Variants in CSMD1 observed in about 807,000 individuals in gnomAD.
The protein encoded by CSMD1 is CUB and sushi domain-containing protein 1.
In CSMD1, 213 loss-of-function variants were observed where a neutral mutation model predicts 417.5. That is an observed-to-expected ratio of 0.51 (90% CI 0.46 to 0.57). CSMD1 has a LOEUF of 0.57. Ranked by LOEUF, CSMD1 falls within the 20% of genes least tolerant of loss-of-function variation. CSMD1 has a pLI of 0.00. For missense variants in CSMD1, 6,923 were observed against 4,529.7 expected (o/e 1.53, Z -15.17); for synonymous variants, 2,862 against 1,736.8 (o/e 1.65, Z -16.11).
chr8:3,241,409 TGA>T (rs1387422230), intron 26 of CSMD1, among the ~76,000 whole-genome samples: 1 of 152,084 alleles, frequency 6.6e-6, no homozygotes, highest in African/African-American at 2.4e-5. Flanking sequence ...CCCTCCACTG[TGA>T]GAGTTACCTA....
chr8:4,149,826 A>C (rs1164103542), intron 3 of CSMD1, among the ~76,000 whole-genome samples: 3 of 152,186 alleles, frequency 2.0e-5, no homozygotes, highest in African/African-American at 7.2e-5. Context: ...ATACCACTTT[A>C]ATTGGTTCAT....
At chr8:4,485,131 T>G (rs1801310132) in intron 2 of CSMD1, among the ~76,000 whole-genome samples, 1 of 152,020 alleles carries the variant, frequency 6.6e-6, no homozygotes, top group Admixed American at 6.6e-5. Context: ...AAATAAGGTC[T>G]TCGGCATAGG....
At chr8:3,254,418 G>A (rs962993914) in intron 26 of CSMD1, among the ~76,000 whole-genome samples, 1 of 152,080 alleles carries the variant, frequency 6.6e-6, no homozygotes, top group African/African-American at 2.4e-5. Flanking sequence ...GTGAATGTTG[G>A]CCTGCCTTGC....
chr8:3,498,555 G>C (rs1417185684), intron 10 of CSMD1, among the ~76,000 whole-genome samples: 3 of 152,118 alleles, frequency 2.0e-5, no homozygotes, highest in Non-Finnish European at 4.4e-5. Context: ...CCAAAAATTT[G>C]AGAAGTTTTC....
At chr8:4,940,128 C>T (rs1807891555) in intron 1 of CSMD1, among the ~76,000 whole-genome samples, 1 of 152,080 alleles carries the variant, frequency 6.6e-6, no homozygotes, top group Non-Finnish European at 1.5e-5. Context: ...TTGGCTCCCC[C>T]TGTGAGAGCA....
intron 3 of CSMD1, among the ~76,000 whole-genome samples, chr8:4,130,420 C>G (rs1473660759): frequency 6.6e-6 from 1 of 152,074 alleles, no homozygotes; most frequent in East Asian, 1.9e-4. Context: ...TCTGCCTCAC[C>G]GTCATCCTCA....
At chr8:3,105,671 G>C (rs1316863092) in intron 46 of CSMD1, among the ~76,000 whole-genome samples, 1 of 152,160 alleles carries the variant, frequency 6.6e-6, no homozygotes, top group Admixed American at 6.5e-5. Context: ...AAAAACTTGA[G>C]ATGTGCATGT....
At chr8:3,722,623 A>T (rs1802252054) in intron 6 of CSMD1, among the ~76,000 whole-genome samples, 1 of 152,186 alleles carries the variant, frequency 6.6e-6, no homozygotes, top group Admixed American at 6.5e-5. Flanking sequence ...AGTCCCCATT[A>T]GTAAAACTGT....
intron 5 of CSMD1, among the ~76,000 whole-genome samples, chr8:3,864,086 C>A (rs533240918): frequency 6.6e-6 from 1 of 152,090 alleles, no homozygotes. Flanking sequence ...AGTAAACATA[C>A]AATATTTTCA....
chr8:4,554,858 T>G (rs987873465), intron 2 of CSMD1, among the ~76,000 whole-genome samples: 1 of 152,154 alleles, frequency 6.6e-6, no homozygotes, highest in Non-Finnish European at 1.5e-5. Flanking sequence ...AAGCTGAAGA[T>G]AAATAGAAGG....
At chr8:3,972,751 A>G (rs1282002364) in intron 5 of CSMD1, among the ~76,000 whole-genome samples, 1 of 152,262 alleles carries the variant, frequency 6.6e-6, no homozygotes, top group East Asian at 1.9e-4. Flanking sequence ...AGCTAAAAGC[A>G]TTAAAAATGT....
At chr8:3,528,969 G>C (rs900206947) in intron 10 of CSMD1, among the ~76,000 whole-genome samples, 1 of 152,152 alleles carries the variant, frequency 6.6e-6, no homozygotes. Flanking sequence ...AAGTATGACA[G>C]TTGATATACA....
At chr8:4,725,003 G>A (rs896131412) in intron 1 of CSMD1, among the ~76,000 whole-genome samples, 5 of 152,048 alleles carry the variant, frequency 3.3e-5, no homozygotes, top group Admixed American at 6.6e-5. Context: ...GGGAAAAGTC[G>A]TGAAAGAACA....
At chr8:3,097,118 A>C in intron 46 of CSMD1, 81 bp from the exon 47 acceptor site, 1 of 1,155,250 alleles carries the variant, frequency 8.7e-7, no homozygotes, top group Non-Finnish European at 1.2e-6. Flanking sequence ...CCCTGTATAA[A>C]CAAGTCAATG....
chr8:3,248,868 CTG>C (rs1483589806), intron 26 of CSMD1, among the ~76,000 whole-genome samples: 1 of 152,044 alleles, frequency 6.6e-6, no homozygotes, highest in African/African-American at 2.4e-5. Context: ...ATTTTCAAGA[CTG>C]AGGTCCTTGA....
At chr8:4,001,137 A>G (rs1174939940) in intron 4 of CSMD1, among the ~76,000 whole-genome samples, 1 of 152,220 alleles carries the variant, frequency 6.6e-6, no homozygotes. Flanking sequence ...TTATTTAAAA[A>G]GCTTTGAAAT....
intron 1 of CSMD1, among the ~76,000 whole-genome samples, chr8:4,937,403 G>T (rs960318006): frequency 6.6e-6 from 1 of 152,206 alleles, no homozygotes; most frequent in East Asian, 1.9e-4. Context: ...AAATATGACA[G>T]GTTGAAGAAT....
chr8:4,681,697 C>T (rs536127116), intron 1 of CSMD1, among the ~76,000 whole-genome samples: 3 of 152,024 alleles, frequency 2.0e-5, no homozygotes, highest in South Asian at 4.1e-4. Context: ...CAAAATAACC[C>T]GACTTTAAGG....
chr8:4,536,998 C>G (rs1274279074), intron 2 of CSMD1, among the ~76,000 whole-genome samples: 1 of 152,112 alleles, frequency 6.6e-6, no homozygotes, highest in Non-Finnish European at 1.5e-5. Flanking sequence ...CTTAACATAT[C>G]ATACAAATTT....
Sources: allele counts gnomAD v4.1 joint callset (sites outside exome capture counted in the v4.1 genomes callset), GRCh38; gene constraint gnomAD v4.1.1; transcripts MANE v1.5; gene names NCBI Gene and HGNC (gene_info 2026-07-23, HGNC 2026-07-21).